The following ARG2 variants were observed in gnomAD, a reference collection of about 807,000 sequenced individuals.
ARG2 encodes arginase-2, mitochondrial.
ARG2 carries 21 observed loss-of-function variants against 39.4 expected under a neutral mutation model. The ratio of observed to expected loss-of-function variants is 0.53; its 90% CI spans 0.38 to 0.77. The LOEUF is 0.77. Ranked by LOEUF, ARG2 falls within the 30% of genes least tolerant of loss-of-function variation. The pLI is 0.00. For synonymous variants in ARG2, 150 were observed against 156.7 expected (o/e 0.96, Z 0.32); for missense variants, 378 against 426.2 (o/e 0.89, Z 1.00).
At chr14:67,624,106 C>T (rs1253265725) in intron 2 of ARG2, among the ~76,000 whole-genome samples, 1 of 152,164 alleles carries the variant, frequency 6.6e-6, no homozygotes, top group Non-Finnish European at 1.5e-5. Context: ...AAAGGCATTG[C>T]TCTGGCAAGG....
intron 2 of ARG2, among the ~76,000 whole-genome samples, chr14:67,641,903 A>G (rs866879628): frequency 7.9e-5 from 12 of 152,106 alleles, no homozygotes; most frequent in African/African-American, 2.9e-4. Flanking sequence ...TTGATATTTT[A>G]TTTCTACTCT....
At chr14:67,626,326 G>A (rs541707471) in intron 2 of ARG2, among the ~76,000 whole-genome samples, 4 of 152,148 alleles carry the variant, frequency 2.6e-5, no homozygotes, top group South Asian at 4.2e-4. Context: ...TGATAAAAAA[G>A]ATAGACAATA....
intron 2 of ARG2, among the ~76,000 whole-genome samples, chr14:67,625,978 G>A (rs2036862178): frequency 6.6e-6 from 1 of 152,152 alleles, no homozygotes. Flanking sequence ...CAATGGCCGG[G>A]TGTGGCGGCT....
At chr14:67,632,976 A>T (rs1260748270) in intron 2 of ARG2, among the ~76,000 whole-genome samples, 3 of 151,148 alleles carry the variant, frequency 2.0e-5, no homozygotes, top group Non-Finnish European at 3.0e-5. Context: ...GCCCGCCACC[A>T]CGCCCGGCTA....
At position 67,642,627 on chromosome 14, in the gene ARG2, C is replaced by T. The variant is rs149397078; in HGVS notation, c.362+264C>T. On this transcript the variant is annotated intron_variant, in intron 3 of 7. Coordinates refer to ENST00000261783, the MANE Select transcript of ARG2 (RefSeq NM_001172.4). The stretch of plus-strand genomic sequence containing the variant: ...TTCAGAGGTATACTAGGCAAGGTTC[C>T]TAGGCACTGTGTTAACATGCTTGTC... Among the ~76,000 whole-genome samples the T allele has an allele frequency of 2.2e-3, 327 of 152,024 alleles. 1 individual carries two copies. Among genetic ancestry groups the T allele is most frequent in the African/African-American group, 7.4e-3 (308 of 41,456 alleles).
At position 67,620,884 on chromosome 14, in the gene ARG2, T is replaced by C. The variant is rs756071124; in HGVS notation, c.112-10T>C. 1.9e-6 allele frequency: 3 copies of C among 1,614,088 alleles called. No individual in the cohort carries two copies. In the Admixed American group the frequency reaches 5.0e-5, roughly 27 times the overall value. On this transcript the variant is annotated splice_polypyrimidine_tract_variant and intron_variant, in intron 1 of 7. Coordinates refer to ENST00000261783, the MANE Select transcript of ARG2 (RefSeq NM_001172.4). ...TCTACCTCTAATTGTGTAATTTGTG[T>C]GACTGACAGAAAAGAAAAGGAGTGG...
At chr14:67,626,264 A>G (rs190717992) in intron 2 of ARG2, among the ~76,000 whole-genome samples, 45 of 152,214 alleles carry the variant, frequency 3.0e-4, no homozygotes, top group Middle Eastern at 6.8e-3. Flanking sequence ...AGGGGAAAAA[A>G]AAAACCACAA....
At chr14:67,638,066 G>C (rs2036991227) in intron 2 of ARG2, among the ~76,000 whole-genome samples, 1 of 152,122 alleles carries the variant, frequency 6.6e-6, no homozygotes, top group Non-Finnish European at 1.5e-5. Flanking sequence ...CCAGGTCTCT[G>C]AATTACTGCA....
chr14:67,626,840 T>C (rs139967701), intron 2 of ARG2, among the ~76,000 whole-genome samples: 208 of 152,332 alleles, frequency 1.4e-3, no homozygotes, highest in African/African-American at 4.1e-3. Context: ...ATTAATTGAA[T>C]AGGGGAGGAA....
chr14:67,650,676 C>G (rs1210308448), intron 7 of ARG2, 39 bp from the exon 8 acceptor site: 12 of 1,586,586 alleles, frequency 7.6e-6, no homozygotes, highest in Non-Finnish European at 1.0e-5. Flanking sequence ...AGAGTAGCAG[C>G]AAGGGAACCT....
chr14:67,639,977 AACAG>A (rs371576909), intron 2 of ARG2, among the ~76,000 whole-genome samples: 1 of 151,442 alleles, frequency 6.6e-6, no homozygotes, highest in East Asian at 1.9e-4. Context: ...TTGTGTTGTC[AACAG>A]ACAGAGGAAA....
chr14:67,648,432 A>C (rs965293959), intron 7 of ARG2: 2 of 332,708 alleles, frequency 6.0e-6, no homozygotes, highest in African/African-American at 4.2e-5. Context: ...TTAAACAATT[A>C]AATACAAGAA....
chr14:67,624,567 C>T (rs2036843728), intron 2 of ARG2, among the ~76,000 whole-genome samples: 1 of 152,142 alleles, frequency 6.6e-6, no homozygotes. Flanking sequence ...GGAGGTGATA[C>T]ACACTTTTAA....
chr14:67,647,946 T>C (rs895846501), intron 6 of ARG2, 101 bp from the exon 7 acceptor site: 44 of 1,174,536 alleles, frequency 3.7e-5, no homozygotes, highest in South Asian at 2.2e-4. Flanking sequence ...CTAGGACTAA[T>C]AGCAACAAAA....
At position 67,650,599 on chromosome 14, in the gene ARG2, A is replaced by G. The variant is rs2037160372; in HGVS notation, c.860-116A>G. On this transcript the variant is annotated intron_variant, in intron 7 of 7. Coordinates refer to ENST00000261783, the MANE Select transcript of ARG2 (RefSeq NM_001172.4). Reference sequence around the variant, plus strand: ...GGCTTCCTAAAAATAGGTATTTTCTACTATAAAATGGACTCTTGTTTTTAC... The same window carrying G: ...GGCTTCCTAAAAATAGGTATTTTCTGCTATAAAATGGACTCTTGTTTTTAC... The G allele has an allele frequency of 6.8e-6, 6 of 882,196 alleles. No homozygotes were observed. The South Asian group carries it at 7.6e-5, about 11-fold the overall frequency. The allele number at this position is 882,196 out of a possible 1,614,324, so 54.6% of individuals were successfully genotyped here.
chr14:67,621,107 G>C (rs2036805968), intron 2 of ARG2, 141 bp downstream of exon 2: 1 of 755,254 alleles, frequency 1.3e-6, no homozygotes. Context: ...GATTCCGTCT[G>C]CGGCTTAAGA....
intron 1 of ARG2, 29 bp downstream of exon 1, chr14:67,620,117 C>T (rs912270701): frequency 4.0e-6 from 6 of 1,499,850 alleles, no homozygotes; most frequent in East Asian, 2.4e-5. Flanking sequence ...AACCGCCGGG[C>T]AGGATCCTCC....
intron 2 of ARG2, among the ~76,000 whole-genome samples, chr14:67,631,125 C>T (rs1309656829): frequency 6.6e-6 from 1 of 152,170 alleles, no homozygotes; most frequent in Non-Finnish European, 1.5e-5. Context: ...AACCCTTACC[C>T]TCCACCATCC....
chr14:67,648,098 AC>A lies in ARG2; in HGVS notation c.775del (p.Leu259TrpfsTer13). 2 of 1,613,960 alleles carry A rather than the reference AC, an allele frequency of 1.2e-6. No individual in the cohort carries two copies. Among genetic ancestry groups the A allele is most frequent in the Non-Finnish European group, 1.7e-6 (2 of 1,179,872 alleles). ...SFDIDAFDPT[L>X]APATGTPVVG... ...TTGATATTGATGCATTTGACCCTAC[AC>A]TGGCTCCAGCCACAGGAACTCCTGT... On this transcript the variant is annotated frameshift_variant, in exon 7 of 8. Transcript: ENST00000261783. LOFTEE classifies it high-confidence loss of function.
Sources: allele counts gnomAD v4.1 joint callset (sites outside exome capture counted in the v4.1 genomes callset), GRCh38; gene constraint gnomAD v4.1.1; transcripts MANE v1.5; gene names NCBI Gene and HGNC (gene_info 2026-07-23, HGNC 2026-07-21).